CEP170: variants seen among roughly 807,000 people sequenced by gnomAD.
CEP170 encodes centrosomal protein of 170 kDa.
In CEP170, 21 loss-of-function variants were observed where a neutral mutation model predicts 151.9. That is an observed-to-expected ratio of 0.14 (90% CI 0.10 to 0.20). The LOEUF is 0.20. Ranked by LOEUF, CEP170 falls within the 10% of genes least tolerant of loss-of-function variation. The pLI is 1.00. For missense variants in CEP170, 964 were observed against 1,892.9 expected (o/e 0.51, Z 9.11); for synonymous variants, 356 against 648.8 (o/e 0.55, Z 6.86).
intron 17 of CEP170, among the ~76,000 whole-genome samples, chr1:243,133,264 T>G (rs2148210854): frequency 6.6e-6 from 1 of 152,318 alleles, no homozygotes; most frequent in African/African-American, 2.4e-5. Context: ...GAACTATAAT[T>G]AACTGTTTAC....
At chr1:243,240,769 T>G (rs2064754068) in intron 1 of CEP170, among the ~76,000 whole-genome samples, 1 of 152,186 alleles carries the variant, frequency 6.6e-6, no homozygotes, top group Non-Finnish European at 1.5e-5. Context: ...CTCAGCTCAC[T>G]GCTACCTCTG....
At chr1:243,168,759 C>CA (rs2058622395) in intron 12 of CEP170, among the ~76,000 whole-genome samples, 1 of 151,464 alleles carries the variant, frequency 6.6e-6, no homozygotes, top group African/African-American at 2.4e-5. Context: ...AACTAATGAA[C>CA]AAAAAGTAAT....
At chr1:243,127,928 T>C (rs560857048) in intron 19 of CEP170, among the ~76,000 whole-genome samples, 180 of 152,318 alleles carry the variant, frequency 1.2e-3, no homozygotes, top group African/African-American at 4.2e-3. Context: ...ATAATGCTAA[T>C]TAACACAACT....
At chr1:243,168,288 T>C (rs571524368) in intron 12 of CEP170, 1 of 152,122 alleles carries the variant, frequency 6.6e-6, no homozygotes, top group African/African-American at 2.4e-5. Flanking sequence ...TTAAAACAGA[T>C]TTTTGGGGTG....
At chr1:243,133,855 G>A (rs1267455397) in intron 17 of CEP170, among the ~76,000 whole-genome samples, 2 of 152,100 alleles carry the variant, frequency 1.3e-5, no homozygotes, top group East Asian at 3.8e-4. Context: ...CTGAGTGTGA[G>A]TAAAAGAAAA....
In CEP170 at chr1:243,142,047, T is replaced by A. The variant is rs151266853; in HGVS notation, c.4059+269A>T. Among the ~76,000 whole-genome samples the A allele has an allele frequency of 3.2e-3, 486 of 152,342 alleles. 10 individuals are homozygous for A. The highest frequency in any genetic ancestry group is 0.026 in the Admixed American group (391 of 15,288). ...TTCAAAATACCATTTATATTCATGT[T>A]TCAAGTGAAGCTATGGACCAAGAAT... On this transcript the variant is annotated intron_variant, in intron 15 of 19. Coordinates refer to ENST00000366542, the MANE Select transcript of CEP170 (RefSeq NM_014812.3).
intron 14 of CEP170, among the ~76,000 whole-genome samples, chr1:243,154,232 A>C (rs1417511500): frequency 6.6e-6 from 1 of 152,296 alleles, no homozygotes; most frequent in Non-Finnish European, 1.5e-5. Flanking sequence ...TAAATTAAAA[A>C]TCACTATTAT....
At chr1:243,184,081 T>C (rs1372856187) in intron 10 of CEP170, among the ~76,000 whole-genome samples, 1 of 152,168 alleles carries the variant, frequency 6.6e-6, no homozygotes, top group African/African-American at 2.4e-5. Flanking sequence ...CAGTACTTTA[T>C]GTAGAGATTC....
intron 7 of CEP170, among the ~76,000 whole-genome samples, chr1:243,193,523 A>T (rs1407754124): frequency 6.6e-6 from 1 of 152,082 alleles, no homozygotes; most frequent in African/African-American, 2.4e-5. Context: ...ATGAAGCAAC[A>T]CAAAAAAGCT....
At chr1:243,247,516 A>G (rs2046846) in intron 1 of CEP170, among the ~76,000 whole-genome samples, 130,061 of 152,088 alleles carry the variant, frequency 0.86, 55,754 homozygotes, top group East Asian at 0.94. Flanking sequence ...ACCACGCCTG[A>G]CTAATTTTTG....
At chr1:243,150,429 C>T (rs1287209731) in intron 14 of CEP170, among the ~76,000 whole-genome samples, 2 of 152,190 alleles carry the variant, frequency 1.3e-5, no homozygotes, top group East Asian at 1.9e-4. Context: ...GGATTACAGG[C>T]GTGAGCCACC....
chr1:243,138,799 T>A (rs1384213477), intron 16 of CEP170, among the ~76,000 whole-genome samples: 1 of 152,126 alleles, frequency 6.6e-6, no homozygotes, highest in African/African-American at 2.4e-5. Flanking sequence ...CTACTGTCAA[T>A]GGGAAAGGGT....
chr1:243,189,418 T>A (rs987126526), intron 8 of CEP170, among the ~76,000 whole-genome samples: 33 of 151,586 alleles, frequency 2.2e-4, no homozygotes, highest in African/African-American at 8.0e-4. Context: ...TAGCCGGGTG[T>A]GGTGGTGGGC....
At chr1:243,220,082 C>T (rs984093211) in intron 3 of CEP170, among the ~76,000 whole-genome samples, 7 of 152,320 alleles carry the variant, frequency 4.6e-5, no homozygotes, top group Admixed American at 1.3e-4. Flanking sequence ...AATTTTAATC[C>T]TTTCAACATG....
chr1:243,254,655 A>G (rs1055009044), intron 1 of CEP170, among the ~76,000 whole-genome samples: 7 of 152,152 alleles, frequency 4.6e-5, no homozygotes, highest in Non-Finnish European at 8.8e-5. Flanking sequence ...CACCCCTCGC[A>G]AACTGCTACG....
intron 10 of CEP170, among the ~76,000 whole-genome samples, chr1:243,178,270 C>T (rs2059382031): frequency 7.6e-6 from 1 of 132,280 alleles, no homozygotes. Context: ...GATCACGCCA[C>T]TGCACTCCAG....
At chr1:243,245,666 A>G (rs2065307836) in intron 1 of CEP170, among the ~76,000 whole-genome samples, 1 of 152,004 alleles carries the variant, frequency 6.6e-6, no homozygotes, top group Non-Finnish European at 1.5e-5. Flanking sequence ...GTGAGCCGAG[A>G]TCTCGCCACT....
intron 1 of CEP170, among the ~76,000 whole-genome samples, chr1:243,240,185 C>T (rs879748831): frequency 1.3e-5 from 2 of 152,168 alleles, no homozygotes; most frequent in African/African-American, 4.8e-5. Context: ...TGGCACATGC[C>T]TGTAATCCCA....
intron 13 of CEP170, among the ~76,000 whole-genome samples, chr1:243,159,838 G>A (rs1374715027): frequency 7.3e-6 from 1 of 136,612 alleles, no homozygotes; most frequent in Non-Finnish European, 1.6e-5. Flanking sequence ...ACCCAGGCTG[G>A]AGGGCAATGG....
Sources: allele counts gnomAD v4.1 joint callset (sites outside exome capture counted in the v4.1 genomes callset), GRCh38; gene constraint gnomAD v4.1.1; transcripts MANE v1.5; gene names NCBI Gene and HGNC (gene_info 2026-07-23, HGNC 2026-07-21).